The following ZNF536 variants were observed in gnomAD, a reference collection of about 807,000 sequenced individuals.
ZNF536 encodes zinc finger protein 536.
ZNF536 carries 13 observed loss-of-function variants against 84.5 expected under a neutral mutation model. That is an observed-to-expected ratio of 0.15 (90% confidence interval 0.10 to 0.24). ZNF536 has a LOEUF of 0.24. Among genes scored for constraint, ZNF536 ranks in the 10% least tolerant of loss-of-function variants. The pLI is 1.00. For missense variants in ZNF536, 1,536 were observed against 1,747.5 expected (o/e 0.88, Z 2.16); for synonymous variants, 811 against 742.5 (o/e 1.09, Z -1.50).
intron 1 of ZNF536, among the ~76,000 whole-genome samples, chr19:30,701,199 A>T (rs977119184): frequency 4.0e-5 from 6 of 150,976 alleles, no homozygotes; most frequent in East Asian, 2.0e-4. Flanking sequence ...TCTCACACAC[A>T]CACACACACA....
At chr19:30,621,465 A>T (rs1438822943) in intron 1 of ZNF536, among the ~76,000 whole-genome samples, 1 of 152,088 alleles carries the variant, frequency 6.6e-6, no homozygotes, top group Non-Finnish European at 1.5e-5. Flanking sequence ...GCTGAAATCA[A>T]GCATCCTTTT....
At chr19:30,281,703 C>T (rs909761032) in intron 1 of ZNF536, among the ~76,000 whole-genome samples, 3 of 152,178 alleles carry the variant, frequency 2.0e-5, no homozygotes, top group African/African-American at 4.8e-5. Flanking sequence ...CAGTGTACAG[C>T]GAGTGGAATT....
intron 1 of ZNF536, chr19:30,436,345 C>G (rs189734452): frequency 4.8e-6 from 1 of 210,494 alleles, no homozygotes; most frequent in Non-Finnish European, 8.2e-6. Context: ...AGGTCACCCG[C>G]GCTGCCCTCC....
chr19:30,349,273 A>G (rs901385670), intron 2 of ZNF536, among the ~76,000 whole-genome samples: 2 of 152,262 alleles, frequency 1.3e-5, no homozygotes, highest in Non-Finnish European at 2.9e-5. Context: ...TAGAGCATTC[A>G]TAATGGCTTT....
chr19:30,369,238 A>G (rs2048534568), upstream of ZNF536, among the ~76,000 whole-genome samples: 1 of 152,238 alleles, frequency 6.6e-6, no homozygotes, highest in Non-Finnish European at 1.5e-5. Flanking sequence ...GCACAAGGTT[A>G]AATTTTCAAT....
At chr19:30,464,091 C>T (rs1276634443) in intron 2 of ZNF536, among the ~76,000 whole-genome samples, 1 of 152,218 alleles carries the variant, frequency 6.6e-6, no homozygotes, top group Non-Finnish European at 1.5e-5. Flanking sequence ...AGGGGTACAA[C>T]CTTCAACTGC....
rs191398563 is a variant in ZNF536, at chr19:30,641,851, G to A, written c.170-68906G>A. On this transcript the variant is annotated intron_variant, in intron 1 of 1. Transcript: ENST00000592773. ...TGTCCCAAGATGAGGAGACCTAGAGGATGGCAGTAGAGTGGGGCAAGTCCT... is the reference window on the plus strand; with the variant it reads ...TGTCCCAAGATGAGGAGACCTAGAGAATGGCAGTAGAGTGGGGCAAGTCCT... Among the ~76,000 whole-genome samples the A allele has an allele frequency of 1.0e-3, 159 of 151,666 alleles. 1 individual carries two copies. The highest frequency in any genetic ancestry group is 3.8e-3 in the African/African-American group (156 of 41,412).
At chr19:30,534,310 G>T (rs577673699) in intron 2 of ZNF536, among the ~76,000 whole-genome samples, 9 of 152,252 alleles carry the variant, frequency 5.9e-5, no homozygotes, top group African/African-American at 2.2e-4. Flanking sequence ...AGCCAGTGAT[G>T]GATACAAGAC....
intron 1 of ZNF536, among the ~76,000 whole-genome samples, chr19:30,662,412 T>C (rs1031355066): frequency 1.3e-5 from 2 of 152,224 alleles, no homozygotes; most frequent in Admixed American, 6.5e-5. Context: ...ACATTGTTAC[T>C]GAATAAAGAC....
At chr19:30,658,332 C>T (rs758896955) in intron 1 of ZNF536, among the ~76,000 whole-genome samples, 5 of 152,006 alleles carry the variant, frequency 3.3e-5, no homozygotes, top group African/African-American at 9.7e-5. Flanking sequence ...TTTCTGTTCC[C>T]GCTTGATTAA....
At chr19:30,675,030 A>G (rs1326986212) in intron 1 of ZNF536, among the ~76,000 whole-genome samples, 1 of 152,168 alleles carries the variant, frequency 6.6e-6, no homozygotes, top group Admixed American at 6.5e-5. Context: ...ACAACTCCCA[A>G]GAGACACAGA....
At chr19:30,654,964 G>A (rs2049852006) in intron 1 of ZNF536, among the ~76,000 whole-genome samples, 1 of 152,162 alleles carries the variant, frequency 6.6e-6, no homozygotes, top group Non-Finnish European at 1.5e-5. Flanking sequence ...AGGATCTTCT[G>A]CTGCCAAATT....
rs942586690 is a variant in ZNF536 at position 30,539,584 on chromosome 19, C to T, written c.2323+4585C>T. On this transcript the variant is annotated intron_variant, in intron 3 of 4. Transcript: ENST00000355537. ...TAGTTGTAACATGCAATGGGGAGGG[C>T]GCATGTCCCCAGAGTCTCCTGAGAG... is the stretch of plus-strand genomic sequence containing the variant. 3.3e-5 allele frequency among the ~76,000 whole-genome samples: 5 copies of T among 152,178 alleles called. No homozygotes were observed. The East Asian group carries it at 7.7e-4, about 23-fold the overall frequency.
At chr19:30,518,995 C>T (rs1157385833) in intron 2 of ZNF536, among the ~76,000 whole-genome samples, 1 of 152,218 alleles carries the variant, frequency 6.6e-6, no homozygotes, top group African/African-American at 2.4e-5. Flanking sequence ...TGCAGAGCAT[C>T]CGTGTGGCGG....
chr19:30,567,561 C>A (rs1050917539), intron 1 of ZNF536, among the ~76,000 whole-genome samples: 1 of 152,132 alleles, frequency 6.6e-6, no homozygotes, highest in Non-Finnish European at 1.5e-5. Flanking sequence ...TCCCCCGCAG[C>A]GAGAGGGCCC....
chr19:30,586,202 G>A (rs780565060), intron 1 of ZNF536, among the ~76,000 whole-genome samples: 4 of 152,178 alleles, frequency 2.6e-5, no homozygotes, highest in Non-Finnish European at 5.9e-5. Flanking sequence ...CCCAAGTCTC[G>A]TTAATGTGAA....
At chr19:30,503,492 G>A (rs904543887) in intron 2 of ZNF536, among the ~76,000 whole-genome samples, 5 of 152,238 alleles carry the variant, frequency 3.3e-5, no homozygotes, top group African/African-American at 1.2e-4. Context: ...AATGAAAGAA[G>A]TGGGCTACAA....
At chr19:30,361,078 T>TG (rs2048258805) in intron 3 of ZNF536, among the ~76,000 whole-genome samples, 1 of 152,248 alleles carries the variant, frequency 6.6e-6, no homozygotes, top group Non-Finnish European at 1.5e-5. Flanking sequence ...CCTCCCTCCG[T>TG]GACCTGAAGT....
chr19:30,453,539 A>G (rs1350223242), intron 2 of ZNF536, among the ~76,000 whole-genome samples: 3 of 152,216 alleles, frequency 2.0e-5, no homozygotes, highest in Non-Finnish European at 4.4e-5. Flanking sequence ...GATTAGCAGA[A>G]TATAAGAAAT....
Sources: gnomAD v4.1 joint callset for allele counts (sites outside exome capture counted in the v4.1 genomes callset) on GRCh38, gnomAD v4.1.1 for gene constraint, MANE v1.5 for transcripts, NCBI Gene and HGNC (gene_info 2026-07-23, HGNC 2026-07-21) for gene names.